Variants in TIPRL observed in about 807,000 individuals in gnomAD.
TIPRL encodes TOR signaling pathway regulator.
Under a neutral mutation model 32.3 loss-of-function variants are expected in TIPRL, and 10 were observed. The ratio of observed to expected loss-of-function variants is 0.31; its 90% CI spans 0.19 to 0.52. TIPRL has a LOEUF of 0.52. Among genes scored for constraint, TIPRL ranks in the 20% least tolerant of loss-of-function variants. The probability of loss-of-function intolerance (pLI) is 0.96; values close to 1 mark genes in which losing one functional copy is unlikely to be tolerated. For synonymous variants in TIPRL, 100 were observed against 114.0 expected (o/e 0.88, Z 0.78); for missense variants, 250 against 328.1 (o/e 0.76, Z 1.84).
chr1:168,196,573 G>A lies in TIPRL; in HGVS notation c.543G>A (p.Leu181=). 6.3e-7 allele frequency: 1 copy of A among 1,575,298 alleles called. No homozygotes were observed. The highest frequency in any genetic ancestry group is 8.6e-7 in the Non-Finnish European group (1 of 1,162,420). The change falls in exon 5 of 7, where the codon CTG becomes CTA. Residue 181 remains leucine, a synonymous_variant. Transcript: ENST00000367833. ...KIRVMPSSFF[L]LLRFFLRIDG... is the part of the protein sequence containing the mutation. ...GAGTAATGCCTTCTAGCTTTTTCCT[G>A]CTGTTGCGGTTTTTCTTGAGAATTG...
chr1:168,188,536 T>C (rs1388355204), intron 3 of TIPRL, among the ~76,000 whole-genome samples: 1 of 152,230 alleles, frequency 6.6e-6, no homozygotes, highest in Non-Finnish European at 1.5e-5. Flanking sequence ...TGTCATGAAA[T>C]ATTTTTCTTT....
chr1:168,195,088 C>A lies in TIPRL; in HGVS notation c.517-1459C>A, dbSNP rs555591803. ...GTAAGGGAAGAGGGTGTGTAATGGT[C>A]CCAAGGCAGAAAAGAATTTGGCCTG... On this transcript the variant is annotated intron_variant, in intron 4 of 6. Transcript: ENST00000367833. 2.0e-5 allele frequency among the ~76,000 whole-genome samples: 3 copies of A among 152,230 alleles called. No individual in the cohort carries two copies. In the East Asian group the frequency reaches 5.8e-4, roughly 29 times the overall value.
intron 4 of TIPRL, among the ~76,000 whole-genome samples, chr1:168,196,051 G>A (rs1700148942): frequency 1.3e-5 from 2 of 152,204 alleles, no homozygotes; most frequent in Non-Finnish European, 1.5e-5. Context: ...ATGTGTTATA[G>A]TGTTCTGATA....
intron 4 of TIPRL, among the ~76,000 whole-genome samples, chr1:168,193,652 G>C (rs1272113459): frequency 6.6e-6 from 1 of 152,130 alleles, no homozygotes; most frequent in Non-Finnish European, 1.5e-5. Context: ...TTTGTGGATG[G>C]AGTTGCTTGA....
At position 168,191,412 on chromosome 1, in the gene TIPRL, C is replaced by T; in HGVS notation, c.428C>T (p.Ala143Val). The change falls in exon 4 of 7, where the codon GCC (alanine) becomes GTC (valine). Residue 143 changes from alanine (A) to valine (V), a missense_variant. Transcript: ENST00000367833. ...TDHIDTEKLK[A>V]REQIKFFEEV... ...CATATAGATACAGAAAAATTGAAAG[C>T]CAGAGAACAGATTAAGTTTTTTGAA... The T allele has an allele frequency of 6.5e-7, 1 of 1,531,422 alleles. No individual in the cohort carries two copies. The highest frequency in any genetic ancestry group is 8.7e-7 in the Non-Finnish European group (1 of 1,150,314). The allele number at this position is 1,531,422 out of a possible 1,614,324, so 94.9% of individuals were successfully genotyped here.
At chr1:168,193,571 G>A (rs1700122971) in intron 4 of TIPRL, among the ~76,000 whole-genome samples, 1 of 152,150 alleles carries the variant, frequency 6.6e-6, no homozygotes, top group Admixed American at 6.6e-5. Flanking sequence ...ATACCTGGGT[G>A]TGCATTTGTA....
intron 1 of TIPRL, 146 bp downstream of exon 1, chr1:168,179,327 A>T: frequency 1.5e-6 from 1 of 660,382 alleles, no homozygotes; most frequent in South Asian, 2.0e-5. Flanking sequence ...CAACTTCGAT[A>T]AATAATCCAG....
intron 2 of TIPRL, 39 bp downstream of exon 2, chr1:168,184,120 T>C (rs1193155402): frequency 3.8e-6 from 6 of 1,567,338 alleles, no homozygotes; most frequent in Non-Finnish European, 5.2e-6. Context: ...AAAAAGGTAA[T>C]TAGGTTAAAC....
rs1572438997 is a variant in TIPRL at position 168,200,900 on chromosome 1, A to G, written c.*854A>G. On this transcript the variant is annotated 3_prime_UTR_variant, in exon 7 of 7. Transcript: ENST00000367833. ...GTTGTTTTTCGCAAATATTACATCA[A>G]TCCTTAAAGCAACAAGATTAATTTT... 1 of 152,188 alleles carries G rather than the reference A, an allele frequency of 6.6e-6. No individual in the cohort carries two copies. The highest frequency in any genetic ancestry group is 1.5e-5 in the Non-Finnish European group (1 of 68,016). 9.4% of individuals were successfully genotyped at this position (152,188 alleles called of 1,614,324 possible).
intron 4 of TIPRL, chr1:168,192,517 C>G (rs1356073431): frequency 3.1e-6 from 2 of 640,532 alleles, no homozygotes; most frequent in South Asian, 6.9e-5. Flanking sequence ...GACCCAAAGA[C>G]CCAGCTAAAA....
intron 5 of TIPRL, among the ~76,000 whole-genome samples, chr1:168,197,401 A>G (rs1700169795): frequency 2.0e-5 from 3 of 152,022 alleles, no homozygotes; most frequent in African/African-American, 7.2e-5. Context: ...TCACTTAGGG[A>G]TTTTTTCTTG....
intron 4 of TIPRL, among the ~76,000 whole-genome samples, chr1:168,195,263 T>A (rs1700139581): frequency 6.6e-6 from 1 of 152,242 alleles, no homozygotes. Flanking sequence ...TCAGTACTTT[T>A]TGTACATGCA....
At chr1:168,179,344 T>A (rs550748816) in intron 1 of TIPRL, among the ~76,000 whole-genome samples, 163 bp downstream of exon 1, 1 of 152,334 alleles carries the variant, frequency 6.6e-6, no homozygotes, top group East Asian at 1.9e-4. Flanking sequence ...CCAGTCACAC[T>A]TCCGGGCCCT....
At chr1:168,192,118 A>G in intron 4 of TIPRL, 2 of 1,310,350 alleles carry the variant, frequency 1.5e-6, no homozygotes, top group Non-Finnish European at 2.0e-6. Context: ...TGTTGATAGG[A>G]TCTGCAGACG....
intron 3 of TIPRL, 129 bp downstream of exon 3, chr1:168,185,007 A>ACATTAGGTTCTGAG: frequency 3.4e-6 from 2 of 587,994 alleles, no homozygotes; most frequent in Non-Finnish European, 5.8e-6. Context: ...GGCATTCCTC[A>ACATTAGGTTCTGAG]GAACCTAATG....
chr1:168,182,581 G>A (rs962596608), intron 1 of TIPRL, among the ~76,000 whole-genome samples: 5 of 152,136 alleles, frequency 3.3e-5, no homozygotes, highest in Non-Finnish European at 5.9e-5. Context: ...AGCCAAGATC[G>A]TGCCATTGCA....
At chr1:168,181,368 C>T (rs150841853) in intron 1 of TIPRL, among the ~76,000 whole-genome samples, 2,047 of 151,574 alleles carry the variant, frequency 0.014, 38 homozygotes, top group African/African-American at 0.047. Context: ...TGCATCACCA[C>T]GCCCAGCTAA....
At chr1:168,196,948 C>G (rs1430718974) in intron 5 of TIPRL, among the ~76,000 whole-genome samples, 8 of 152,074 alleles carry the variant, frequency 5.3e-5, no homozygotes, top group Non-Finnish European at 1.2e-4. Context: ...TAACTCTTAC[C>G]TTTGTTTACA....
chr1:168,182,018 C>T (rs1032836502), intron 1 of TIPRL, among the ~76,000 whole-genome samples: 3 of 151,500 alleles, frequency 2.0e-5, no homozygotes, highest in Non-Finnish European at 2.9e-5. Flanking sequence ...ACGCTGAGAT[C>T]GTGCCACTGT....
Sources: allele counts gnomAD v4.1 joint callset (sites outside exome capture counted in the v4.1 genomes callset), GRCh38; gene constraint gnomAD v4.1.1; transcripts MANE v1.5; gene names NCBI Gene and HGNC (gene_info 2026-07-23, HGNC 2026-07-21).